Variants in ZNF572 observed in about 807,000 individuals in gnomAD.
ZNF572 encodes zinc finger protein 572.
In ZNF572, 2 loss-of-function variants were observed where a neutral mutation model predicts 3.8. The ratio of observed to expected loss-of-function variants is 0.52; its 90% CI spans 0.21 to 1.65. ZNF572 has a LOEUF of 1.65. ZNF572 is among the 40% of genes most tolerant of loss of function. The pLI is 0.20. For synonymous variants in ZNF572, 187 were observed against 204.5 expected (o/e 0.91, Z 0.73); for missense variants, 581 against 633.4 (o/e 0.92, Z 0.89).
rs1249358161 is a variant in ZNF572, at chr8:124,976,546, A to G, written c.278A>G (p.Glu93Gly). The G allele has an allele frequency of 3.1e-6, 5 of 1,614,078 alleles. No individual in the cohort carries two copies. The highest frequency in any genetic ancestry group is 4.2e-6 in the Non-Finnish European group (5 of 1,180,036). The change falls in exon 3 of 3, where the codon GAG (glutamate) becomes GGG (glycine). Residue 93 changes from glutamate to glycine, a missense_variant. Physicochemically the swap from Glu to Gly is moderately conservative, Grantham distance 98 (BLOSUM62 -2). Transcript: ENST00000319286. ...TCCTATGAGAGTGATGGCAAGTCAG[A>G]GAATTGGGGAAATTTTATAGCTAAA... is the stretch of plus-strand genomic sequence containing the variant. ...HDSYESDGKSENWGNFIAKEE... is the reference protein window; with the variant it reads ...HDSYESDGKSGNWGNFIAKEE...
rs1325620316 is a variant in ZNF572 at position 124,977,171 on chromosome 8, ATGTCT to A, written c.906_910del (p.Cys302Ter). ...CACACACAGGTGAGAAGCCCTACAAATGTCTTGAGTGTGAAAAAAGCTTTGGTTGT... is the reference window on the plus strand; with the variant it reads ...CACACACAGGTGAGAAGCCCTACAAATGAGTGTGAAAAAAGCTTTGGTTGT... On this transcript the variant is annotated frameshift_variant, in exon 3 of 3. Coordinates refer to ENST00000319286, the MANE Select transcript of ZNF572 (RefSeq NM_152412.3). LOFTEE classifies it low-confidence loss of function (END_TRUNC). 3.7e-6 allele frequency: 6 copies of A among 1,609,966 alleles called. No individual in the cohort carries two copies. Among genetic ancestry groups the A allele is most frequent in the South Asian group, 1.1e-5 (1 of 91,086 alleles).
chr8:124,976,234 A>G (rs551508596), intron 2 of ZNF572, 114 bp from the exon 3 acceptor site: 1 of 957,536 alleles, frequency 1.0e-6, no homozygotes, highest in Admixed American at 3.0e-5. Flanking sequence ...ACTTTTTTAT[A>G]TGAAATTATT....
In ZNF572 at chr8:124,976,990, A is replaced by C; in HGVS notation, c.722A>C (p.Glu241Ala). ...CAGCATCACAGATCACATACAGGTG[A>C]AAAACCATATGAATGTTCTGTCTGC... ...LIQHHRSHTGEKPYECSVCGK... is the reference protein window; with the variant it reads ...LIQHHRSHTGAKPYECSVCGK... Residue 241 changes from glutamate to alanine, a missense_variant, in exon 3 of 3, where the codon GAA becomes GCA. Glu to Ala is a moderately radical substitution (Grantham distance 107). Transcript: ENST00000319286. 1 of 1,614,210 alleles carries C rather than the reference A, an allele frequency of 6.2e-7. No homozygotes were observed. The highest frequency in any genetic ancestry group is 8.5e-7 in the Non-Finnish European group (1 of 1,180,032).
chr8:124,977,958 T>C lies in ZNF572; in HGVS notation c.*100T>C. ...TGCTATAAAGTTTCTTTGATGTGTTTGTCAAAACATTTGGAAAAAGTCAAC... is the reference window on the plus strand; with the variant it reads ...TGCTATAAAGTTTCTTTGATGTGTTCGTCAAAACATTTGGAAAAAGTCAAC... On this transcript the variant is annotated 3_prime_UTR_variant, in exon 3 of 3. Coordinates refer to ENST00000319286, the MANE Select transcript of ZNF572 (RefSeq NM_152412.3). The C allele has an allele frequency of 7.5e-7, 1 of 1,332,408 alleles. No individual in the cohort carries two copies. The allele number at this position is 1,332,408 out of a possible 1,614,324, so 82.5% of individuals were successfully genotyped here.
chr8:124,977,843 A>C lies in ZNF572; in HGVS notation c.1575A>C (p.Ser525=), dbSNP rs541189205. The change falls in exon 3 of 3, where the codon TCA becomes TCC. Residue 525 remains serine (S), a synonymous_variant. Transcript: ENST00000319286. Reference sequence around the variant, plus strand: ...CCTTCATCTCTTCATTTTCCGTCTCAAATTCATCTTCCTGAGTCCCAAAGC... The same window carrying C: ...CCTTCATCTCTTCATTTTCCGTCTCCAATTCATCTTCCTGAGTCCCAAAGC... ...EMPFISSFSV[S]NSSS 6.3e-7 allele frequency: 1 copy of C among 1,582,242 alleles called. No individual in the cohort carries two copies. The highest frequency in any genetic ancestry group is 8.6e-7 in the Non-Finnish European group (1 of 1,163,316).
At chr8:124,973,723 A>G (rs1814466823) in intron 1 of ZNF572, among the ~76,000 whole-genome samples, 1 of 152,204 alleles carries the variant, frequency 6.6e-6, no homozygotes, top group Non-Finnish European at 1.5e-5. Flanking sequence ...TGATCAAAGC[A>G]CGGCCCCACT....
rs772389120 is a variant in ZNF572, at chr8:124,979,000, A to C, written c.*1142A>C. The C allele has an allele frequency of 6.6e-6, 1 of 152,206 alleles. No individual in the cohort carries two copies. The highest frequency in any genetic ancestry group is 2.4e-5 in the African/African-American group (1 of 41,436). The allele number at this position is 152,206 out of a possible 1,614,324, so 9.4% of individuals were successfully genotyped here. On this transcript the variant is annotated 3_prime_UTR_variant, in exon 3 of 3. Coordinates refer to ENST00000319286, the MANE Select transcript of ZNF572 (RefSeq NM_152412.3). Reference sequence around the variant, plus strand: ...TTGACATAATTGGTATATGGATCTGATAACTGAGGTCCCATCTTCCCTACT... The same window carrying C: ...TTGACATAATTGGTATATGGATCTGCTAACTGAGGTCCCATCTTCCCTACT...
Position 124,978,601 on chromosome 8 carries a change from G to T in ZNF572, c.*743G>T, listed in dbSNP as rs1814546149. 6.6e-6 allele frequency: 1 copy of T among 152,132 alleles called. No individual in the cohort carries two copies. The highest frequency in any genetic ancestry group is 2.4e-5 in the African/African-American group (1 of 41,416). The allele number at this position is 152,132 out of a possible 1,614,324, so 9.4% of individuals were successfully genotyped here. A position where few individuals can be genotyped will look rare whatever the true frequency, so the allele number is the denominator to read the frequency against. ...AGACTGTAGAAGTGTGTTCTGGAGG[G>T]TTTGCTCTCCAAAAAGAATTGTAAT... is the stretch of plus-strand genomic sequence containing the variant. On this transcript the variant is annotated 3_prime_UTR_variant, in exon 3 of 3. Coordinates refer to ENST00000319286, the MANE Select transcript of ZNF572 (RefSeq NM_152412.3).
rs1418228521 is a variant in ZNF572, at chr8:124,977,910, A to G, written c.*52A>G. 4 of 1,501,314 alleles carry G rather than the reference A, an allele frequency of 2.7e-6. No individual in the cohort carries two copies. The highest frequency in any genetic ancestry group is 3.6e-6 in the Non-Finnish European group (4 of 1,123,908). 93.0% of individuals were successfully genotyped at this position (1,501,314 alleles called of 1,614,324 possible). On this transcript the variant is annotated 3_prime_UTR_variant, in exon 3 of 3. Transcript: ENST00000319286. ...TTTTCTTCCTTGTTGGACCATGACAATTTAGGTATTCTGTGATTGTTGTGC... is the reference window on the plus strand; with the variant it reads ...TTTTCTTCCTTGTTGGACCATGACAGTTTAGGTATTCTGTGATTGTTGTGC...
In ZNF572 at chr8:124,979,335, T is replaced by C. The variant is rs1814554947; in HGVS notation, c.*1477T>C. The C allele has an allele frequency of 6.6e-6, 1 of 152,596 alleles. No homozygotes were observed. Among genetic ancestry groups the C allele is most frequent in the Admixed American group, 6.5e-5 (1 of 15,270 alleles). 9.5% of individuals were successfully genotyped at this position (152,596 alleles called of 1,614,324 possible). On this transcript the variant is annotated 3_prime_UTR_variant, in exon 3 of 3. Transcript: ENST00000319286. ...GCACCTGATGCTGGCGGGGTATTTG[T>C]GTGTTTTTGTATTGTTATTTGATTA...
chr8:124,977,543 C>T lies in ZNF572; in HGVS notation c.1275C>T (p.Ser425=), dbSNP rs1217627387. The change falls in exon 3 of 3, where the codon TCC becomes TCT. Residue 425 remains serine, a synonymous_variant. Coordinates refer to ENST00000319286, the MANE Select transcript of ZNF572 (RefSeq NM_152412.3). ...GCTGGAAAACTTTCAGTCAGAGTTC[C>T]ACCCTGGTGATTCACCAAAGGACAC... ...SECWKTFSQS[S]TLVIHQRTHT... The T allele has an allele frequency of 2.5e-6, 4 of 1,614,060 alleles. No homozygotes were observed. The highest frequency in any genetic ancestry group is 3.4e-6 in the Non-Finnish European group (4 of 1,180,040).
Position 124,977,842 on chromosome 8 carries a change from C to G in ZNF572, c.1574C>G (p.Ser525Ter). ...CCCTTCATCTCTTCATTTTCCGTCT[C>G]AAATTCATCTTCCTGAGTCCCAAAG... The part of the protein sequence containing the change: ...EMPFISSFSV[S>*]NSSS Residue 525 changes from serine (S) to a stop codon, truncating the protein, a stop_gained, in exon 3 of 3, where the codon TCA becomes TGA. Transcript: ENST00000319286. LOFTEE classifies it high-confidence loss of function. 1.3e-6 allele frequency: 2 copies of G among 1,582,822 alleles called. No homozygotes were observed. Among genetic ancestry groups the G allele is most frequent in the Admixed American group, 1.8e-5 (1 of 56,474 alleles).
chr8:124,977,535 C>T lies in ZNF572; in HGVS notation c.1267C>T (p.Gln423Ter). The change falls in exon 3 of 3, where the codon CAG (glutamine) becomes TAG (stop). Residue 423 changes from glutamine to a stop codon, truncating the protein, a stop_gained. Transcript: ENST00000319286. LOFTEE classifies it low-confidence loss of function (END_TRUNC). ...RCSECWKTFS[Q>*]SSTLVIHQRT... Reference sequence around the variant, plus strand: ...TTCTGAGTGCTGGAAAACTTTCAGTCAGAGTTCCACCCTGGTGATTCACCA... The same window carrying T: ...TTCTGAGTGCTGGAAAACTTTCAGTTAGAGTTCCACCCTGGTGATTCACCA... 6.2e-7 allele frequency: 1 copy of T among 1,614,164 alleles called. No homozygotes were observed. Among genetic ancestry groups the T allele is most frequent in the Non-Finnish European group, 8.5e-7 (1 of 1,180,014 alleles).
intron 1 of ZNF572, among the ~76,000 whole-genome samples, chr8:124,974,588 C>T (rs1814479919): frequency 6.6e-6 from 1 of 152,116 alleles, no homozygotes; most frequent in African/African-American, 2.4e-5. Flanking sequence ...CCTTATTTTT[C>T]TCCCAAATAA....
In ZNF572 at chr8:124,976,418, A is replaced by G; in HGVS notation, c.150A>G (p.Lys50=). The change falls in exon 3 of 3, where the codon AAA becomes AAG. Residue 50 remains lysine (K), a synonymous_variant. Coordinates refer to ENST00000319286, the MANE Select transcript of ZNF572 (RefSeq NM_152412.3). ...CTAAGGCAGATAAACTTAAAGAGAA[A>G]CCTTCAGAATGGTCTAAAAGACATA... ...NNSKADKLKE[K]PSEWSKRHRP... 1 of 1,612,746 alleles carries G rather than the reference A, an allele frequency of 6.2e-7. No individual in the cohort carries two copies. The highest frequency in any genetic ancestry group is 8.5e-7 in the Non-Finnish European group (1 of 1,179,536).
At chr8:124,974,012 T>A (rs566975277) in intron 1 of ZNF572, among the ~76,000 whole-genome samples, 1 of 152,262 alleles carries the variant, frequency 6.6e-6, no homozygotes, top group Admixed American at 6.5e-5. Context: ...ACCCCCTTCC[T>A]TTTTTTGCAT....
In ZNF572 at chr8:124,975,616, C is replaced by G; in HGVS notation, c.-25C>G. 3 of 1,595,186 alleles carry G rather than the reference C, an allele frequency of 1.9e-6. No individual in the cohort carries two copies. The highest frequency in any genetic ancestry group is 1.3e-5 in the African/African-American group (1 of 74,642). Reference sequence around the variant, plus strand: ...TATTTCCTTCCACAGGGTTTCTGATCTCTAACTTGGCTGTGATCATTGTGA... The same window carrying G: ...TATTTCCTTCCACAGGGTTTCTGATGTCTAACTTGGCTGTGATCATTGTGA... On this transcript the variant is annotated 5_prime_UTR_variant, in exon 2 of 3. In the 5' UTR this introduces an upstream ATG that the reference lacks. Transcript: ENST00000319286.
At chr8:124,975,544 A>G in intron 1 of ZNF572, 62 bp from the exon 2 acceptor site, 2 of 956,542 alleles carry the variant, frequency 2.1e-6, no homozygotes, top group Non-Finnish European at 3.3e-6. Flanking sequence ...AATGGTTGGG[A>G]AGGAAGGAGG....
At position 124,976,781 on chromosome 8, in the gene ZNF572, C is replaced by T; in HGVS notation, c.513C>T (p.Asn171=). The T allele has an allele frequency of 1.2e-6, 2 of 1,614,168 alleles. No individual in the cohort carries two copies. The highest frequency in any genetic ancestry group is 1.3e-5 in the African/African-American group (1 of 75,064). ...CTGAGTGTGCAAAATGTTTTTGTAA[C>T]AGTTCTCACCTGATTCAGCATCTAA... ...KCSECAKCFC[N]SSHLIQHLRM... is the part of the protein sequence containing the mutation. Residue 171 remains asparagine (N), a synonymous_variant, in exon 3 of 3, where the codon AAC becomes AAT. Coordinates refer to ENST00000319286, the MANE Select transcript of ZNF572 (RefSeq NM_152412.3).
Sources: gnomAD v4.1 joint callset for allele counts (sites outside exome capture counted in the v4.1 genomes callset) on GRCh38, gnomAD v4.1.1 for gene constraint, MANE v1.5 for transcripts, NCBI Gene and HGNC (gene_info 2026-07-23, HGNC 2026-07-21) for gene names.